Variants in TRAPPC8 observed in about 807,000 individuals in gnomAD.
TRAPPC8 encodes the protein trafficking protein particle complex subunit 8, also known as general sporulation gene 1 homolog.
TRAPPC8 carries 54 observed loss-of-function variants against 174.3 expected under a neutral mutation model. The ratio of observed to expected loss-of-function variants is 0.31; its 90% CI spans 0.25 to 0.39. TRAPPC8 has a LOEUF of 0.39. Ranked by LOEUF, TRAPPC8 falls within the 10% of genes least tolerant of loss-of-function variation. TRAPPC8 has a pLI of 1.00. For synonymous variants in TRAPPC8, 630 were observed against 579.9 expected (o/e 1.09, Z -1.24); for missense variants, 1,531 against 1,699.1 (o/e 0.90, Z 1.74).
At chr18:31,899,460 T>C (rs1336793295) in intron 10 of TRAPPC8, among the ~76,000 whole-genome samples, 2 of 152,204 alleles carry the variant, frequency 1.3e-5, no homozygotes, top group Non-Finnish European at 2.9e-5. Flanking sequence ...ATGACTACTT[T>C]TACTTCAACA....
At chr18:31,846,499 C>CG (rs1308070417) in intron 26 of TRAPPC8, among the ~76,000 whole-genome samples, 1 of 151,966 alleles carries the variant, frequency 6.6e-6, no homozygotes, top group African/African-American at 2.4e-5. Flanking sequence ...CACCTGAGCC[C>CG]GGGGAGGTCA....
intron 12 of TRAPPC8, among the ~76,000 whole-genome samples, chr18:31,878,775 G>A (rs559555851): frequency 8.5e-5 from 13 of 152,096 alleles, no homozygotes; most frequent in South Asian, 6.2e-4. Context: ...TCAAGGGGTG[G>A]AGAAAGATCA....
rs75937696 is a variant in TRAPPC8, at chr18:31,924,773, A to G, written c.352+6556T>C. ...AAAAAAAAAAAAAAAATCCGCCTGA[A>G]GAGTTAAGCTATAGTAATTGCCTCC... On this transcript the variant is annotated intron_variant, in intron 2 of 28. Coordinates refer to ENST00000283351, the MANE Select transcript of TRAPPC8 (RefSeq NM_014939.5). Among the ~76,000 whole-genome samples the G allele has an allele frequency of 4.3e-3, 644 of 150,886 alleles. 4 individuals carry two copies. Among genetic ancestry groups the G allele is most frequent in the African/African-American group, 0.015 (620 of 40,814 alleles).
Position 31,919,868 on chromosome 18 carries a change from TATAAA to T in TRAPPC8, c.353-2206_353-2202del, listed in dbSNP as rs963103926. Among the ~76,000 whole-genome samples the T allele has an allele frequency of 3.2e-4, 48 of 151,474 alleles. No individual in the cohort carries two copies. The Middle Eastern group carries it at 0.01, about 32-fold the overall frequency. The stretch of plus-strand genomic sequence containing the variant: ...AGGAGTGAGACCCTGTCTCAAAAAA[TATAAA>T]ATAAAATAAAAATAAAAGAGGAAAA... On this transcript the variant is annotated intron_variant, in intron 2 of 28. Coordinates refer to ENST00000283351, the MANE Select transcript of TRAPPC8 (RefSeq NM_014939.5).
intron 26 of TRAPPC8, 148 bp from the exon 27 acceptor site, chr18:31,839,605 C>G (rs2032976717): frequency 3.2e-6 from 2 of 624,204 alleles, no homozygotes; most frequent in South Asian, 7.9e-5. Flanking sequence ...CTAATAGCTG[C>G]TATCATTTGC....
intron 11 of TRAPPC8, among the ~76,000 whole-genome samples, chr18:31,893,380 G>C (rs1309862498): frequency 2.0e-5 from 3 of 149,644 alleles, no homozygotes; most frequent in Non-Finnish European, 4.4e-5. Flanking sequence ...TTTGCTTCTA[G>C]GTGTGTGTGT....
chr18:31,934,349 A>C (rs1157590971), intron 1 of TRAPPC8, among the ~76,000 whole-genome samples: 1 of 152,066 alleles, frequency 6.6e-6, no homozygotes, highest in Non-Finnish European at 1.5e-5. Context: ...AATATGATGG[A>C]GGGTTAATAT....
intron 14 of TRAPPC8, among the ~76,000 whole-genome samples, 168 bp from the exon 15 acceptor site, chr18:31,871,288 G>A (rs1221060965): frequency 6.6e-6 from 1 of 151,782 alleles, no homozygotes; most frequent in East Asian, 1.9e-4. Context: ...AGCTTATCTG[G>A]ATTTTGCTTA....
intron 2 of TRAPPC8, among the ~76,000 whole-genome samples, chr18:31,928,544 T>G (rs192882723): frequency 4.9e-4 from 75 of 151,726 alleles, no homozygotes; most frequent in African/African-American, 1.8e-3. Flanking sequence ...GAAAAAAAAA[T>G]AAAAGAAATA....
At chr18:31,885,360 A>C (rs929318378) in intron 12 of TRAPPC8, among the ~76,000 whole-genome samples, 4 of 152,174 alleles carry the variant, frequency 2.6e-5, no homozygotes, top group African/African-American at 9.7e-5. Flanking sequence ...AACCTTCACG[A>C]GTGTTTAAGT....
Position 31,908,949 on chromosome 18 carries a change from A to G in TRAPPC8, c.927T>C (p.Ser309=). ...PLQLEQSSDP[S]NSIDGPDHLR... is the part of the protein sequence containing the mutation. ...GATGATCTGGGCCATCAATACTGTTAGAAGGGTCACTGGATTGCTCCAACT... is the reference window on the plus strand; with the variant it reads ...GATGATCTGGGCCATCAATACTGTTGGAAGGGTCACTGGATTGCTCCAACT... The change falls in exon 7 of 29, where the codon TCT becomes TCC. Residue 309 remains serine, a synonymous_variant. Coordinates refer to ENST00000283351, the MANE Select transcript of TRAPPC8 (RefSeq NM_014939.5). 2 of 1,613,664 alleles carry G rather than the reference A, an allele frequency of 1.2e-6. No homozygotes were observed. The highest frequency in any genetic ancestry group is 1.7e-6 in the Non-Finnish European group (2 of 1,179,732).
chr18:31,834,599 A>G (rs1373292044), intron 27 of TRAPPC8, among the ~76,000 whole-genome samples: 1 of 152,212 alleles, frequency 6.6e-6, no homozygotes, highest in Non-Finnish European at 1.5e-5. Flanking sequence ...AACTGCAAAG[A>G]ATAATAATTG....
intron 2 of TRAPPC8, among the ~76,000 whole-genome samples, chr18:31,928,918 C>A (rs2037737530): frequency 6.6e-6 from 1 of 152,116 alleles, no homozygotes; most frequent in Non-Finnish European, 1.5e-5. Context: ...TGGTGGCTCA[C>A]GCCTGTAATC....
chr18:31,932,294 G>A (rs562310075), intron 1 of TRAPPC8, among the ~76,000 whole-genome samples: 120 of 152,154 alleles, frequency 7.9e-4, no homozygotes, highest in Non-Finnish European at 1.0e-3. Context: ...GGGTATGGTG[G>A]CGGGTGCCTG....
intron 1 of TRAPPC8, chr18:31,937,413 C>T (rs923804938): frequency 2.0e-5 from 3 of 152,006 alleles, no homozygotes; most frequent in Admixed American, 6.6e-5. Context: ...GCCCATAACC[C>T]CAGCTACTGG....
Position 31,938,858 on chromosome 18 carries a change from G to A in TRAPPC8, c.157+3750C>T, listed in dbSNP as rs146162479. Among the ~76,000 whole-genome samples, 177 of 152,250 alleles carry A rather than the reference G, an allele frequency of 1.2e-3. 2 individuals carry two copies. The East Asian group carries it at 0.032, about 28-fold the overall frequency. ...GCACTTTGGGAGGCCAAGGCGGGCA[G>A]ATCATGAGGTCAAGAGATAGAGACA... On this transcript the variant is annotated intron_variant, in intron 1 of 28. Coordinates refer to ENST00000283351, the MANE Select transcript of TRAPPC8 (RefSeq NM_014939.5).
chr18:31,919,580 ATAAATAAATAAAAT>A (rs1568136549), intron 2 of TRAPPC8, among the ~76,000 whole-genome samples: 3 of 118,208 alleles, frequency 2.5e-5, no homozygotes, highest in Non-Finnish European at 3.7e-5. Flanking sequence ...AAATAAATAA[ATAAATAAATAAAAT>A]AATAATAATC....
intron 14 of TRAPPC8, 96 bp downstream of exon 14, chr18:31,873,334 A>C: frequency 2.0e-5 from 21 of 1,055,882 alleles, no homozygotes; most frequent in Non-Finnish European, 2.8e-5. Context: ...TTAATTTTCA[A>C]ATATTCAACT....
chr18:31,837,559 G>C (rs2032824362), intron 27 of TRAPPC8, among the ~76,000 whole-genome samples: 1 of 152,002 alleles, frequency 6.6e-6, no homozygotes, highest in African/African-American at 2.4e-5. Context: ...TGACCTGGTG[G>C]TGTACAGTGC....
Sources: gnomAD v4.1 joint callset for allele counts (sites outside exome capture counted in the v4.1 genomes callset) on GRCh38, gnomAD v4.1.1 for gene constraint, MANE v1.5 for transcripts, NCBI Gene and HGNC (gene_info 2026-07-23, HGNC 2026-07-21) for gene names.